The following LARGE1 variants were observed in gnomAD, a reference collection of about 807,000 sequenced individuals.
LARGE1 encodes xylosyl- and glucuronyltransferase LARGE1.
LARGE1 carries 43 observed loss-of-function variants against 87.6 expected under a neutral mutation model. The observed-to-expected ratio is 0.49, with a 90% confidence interval of 0.38 to 0.63. The LOEUF is 0.63. LARGE1 is among the 30% of genes least tolerant of loss of function. The pLI is 0.00. For synonymous variants in LARGE1, 434 were observed against 394.6 expected, an observed-to-expected ratio of 1.10 and a Z score of -1.18; for missense variants, 802 against 1,000.2, an observed-to-expected ratio of 0.80 and a Z score of 2.67.
At chr22:33,250,890 T>C (rs1926983215) in intron 11 of LARGE1, among the ~76,000 whole-genome samples, 1 of 152,226 alleles carries the variant, frequency 6.6e-6, no homozygotes, top group African/African-American at 2.4e-5. Flanking sequence ...CTGGTGAATT[T>C]GATTTGCCAA....
chr22:33,070,104 G>A, the LARGE1 span, among the ~76,000 whole-genome samples: 1 of 152,190 alleles, frequency 6.6e-6, no homozygotes, highest in South Asian at 2.1e-4. Context: ...TTACAAGCAT[G>A]AGCTGCCGCT....
intron 2 of LARGE1, among the ~76,000 whole-genome samples, chr22:33,665,228 C>T (rs1469576774): frequency 2.0e-5 from 3 of 152,190 alleles, no homozygotes; most frequent in Non-Finnish European, 4.4e-5. Context: ...TATTCTTCTC[C>T]ACTCCACAAA....
chr22:33,637,803 T>C lies in LARGE1; in HGVS notation c.409-11477A>G, dbSNP rs568211651. ...TCTCTTTAAAGGTTGAGAGTCATAATCCCCAACCAAGCTGCTCCCAGATTC... is the reference window on the plus strand; with the variant it reads ...TCTCTTTAAAGGTTGAGAGTCATAACCCCCAACCAAGCTGCTCCCAGATTC... On this transcript the variant is annotated intron_variant, in intron 3 of 14. Transcript: ENST00000397394. Among the ~76,000 whole-genome samples, 3 of 152,280 alleles carry C rather than the reference T, an allele frequency of 2.0e-5. No individual in the cohort carries two copies. In the South Asian group the frequency reaches 6.2e-4, roughly 32 times the overall value.
chr22:33,266,316 G>A (rs1202014315), intron 11 of LARGE1, among the ~76,000 whole-genome samples: 2 of 144,106 alleles, frequency 1.4e-5, no homozygotes, highest in African/African-American at 2.7e-5. Context: ...CCACCTCCTC[G>A]GTTCAAGCGA....
At chr22:33,915,763 GA>G (rs1385658629) in intron 1 of LARGE1, among the ~76,000 whole-genome samples, 17 of 152,258 alleles carry the variant, frequency 1.1e-4, no homozygotes, top group Non-Finnish European at 2.2e-4. Context: ...CCTCAGCATG[GA>G]ATCTTATTAA....
chr22:33,282,028 T>C (rs1048913135), intron 13 of LARGE1, among the ~76,000 whole-genome samples: 1 of 152,192 alleles, frequency 6.6e-6, no homozygotes, highest in African/African-American at 2.4e-5. Context: ...TCTGACATCA[T>C]TCACAAGGGT....
the LARGE1 span, among the ~76,000 whole-genome samples, chr22:33,129,024 C>T: frequency 2.0e-5 from 3 of 152,208 alleles, no homozygotes; most frequent in Non-Finnish European, 4.4e-5. Context: ...AGCAAATCAC[C>T]ATGGCACACG....
chr22:33,649,425 C>A (rs565895722), intron 3 of LARGE1, among the ~76,000 whole-genome samples: 2 of 152,256 alleles, frequency 1.3e-5, no homozygotes, highest in South Asian at 4.1e-4. Context: ...CAGGTCCTAT[C>A]TATGTTTAAC....
At chr22:33,141,080 C>T in the LARGE1 span, among the ~76,000 whole-genome samples, 1 of 151,768 alleles carries the variant, frequency 6.6e-6, no homozygotes, top group African/African-American at 2.4e-5. Context: ...TCGTCTTTGC[C>T]CACAAATATT....
chr22:33,432,107 C>T, intron 7 of LARGE1, 54 bp downstream of exon 7: 1 of 1,398,766 alleles, frequency 7.1e-7, no homozygotes, highest in Non-Finnish European at 1.0e-6. Context: ...GGAAGGAGCA[C>T]TGGGTCCTCA....
At chr22:33,142,691 CA>C in the LARGE1 span, among the ~76,000 whole-genome samples, 2 of 152,060 alleles carry the variant, frequency 1.3e-5, no homozygotes, top group Non-Finnish European at 2.9e-5. Context: ...GGTCATTTTC[CA>C]AAGTTTTTAA....
chr22:33,199,635 A>T (rs79235439), intron 11 of LARGE1, among the ~76,000 whole-genome samples: 4,583 of 152,186 alleles, frequency 0.03, 94 homozygotes, highest in Admixed American at 0.056. Context: ...TAGCATATAT[A>T]TTTTTTGACT....
At chr22:33,228,320 G>GA (rs751765981) in intron 11 of LARGE1, among the ~76,000 whole-genome samples, 8 of 152,252 alleles carry the variant, frequency 5.3e-5, no homozygotes, top group Non-Finnish European at 4.4e-5. Flanking sequence ...TCATTATAAT[G>GA]AAAACGGAAG....
chr22:33,522,687 T>C (rs1046420296), intron 6 of LARGE1, among the ~76,000 whole-genome samples: 1 of 151,948 alleles, frequency 6.6e-6, no homozygotes, highest in African/African-American at 2.4e-5. Context: ...AAAAATTAGC[T>C]GGGCGTGGTG....
At chr22:33,590,423 AT>A (rs1352448520) in intron 5 of LARGE1, among the ~76,000 whole-genome samples, 1 of 152,196 alleles carries the variant, frequency 6.6e-6, no homozygotes, top group African/African-American at 2.4e-5. Context: ...CGAGAAAAAA[AT>A]CTTACATCAT....
At chr22:33,490,907 G>C (rs1427588339) in intron 6 of LARGE1, among the ~76,000 whole-genome samples, 2 of 152,100 alleles carry the variant, frequency 1.3e-5, no homozygotes, top group Non-Finnish European at 2.9e-5. Flanking sequence ...CCAGTTTCCT[G>C]GGTACTCTTC....
chr22:33,312,638 T>C (rs2146266352), intron 11 of LARGE1, among the ~76,000 whole-genome samples: 1 of 152,244 alleles, frequency 6.6e-6, no homozygotes, highest in East Asian at 1.9e-4. Flanking sequence ...GCTGATAATC[T>C]GAATGCATTA....
chr22:33,756,855 C>A (rs1034925636), intron 2 of LARGE1, among the ~76,000 whole-genome samples: 3 of 152,204 alleles, frequency 2.0e-5, no homozygotes, highest in Admixed American at 6.5e-5. Context: ...AGATGGGAAA[C>A]AACTGACGCA....
At chr22:33,553,749 A>C (rs1441151945) in intron 6 of LARGE1, among the ~76,000 whole-genome samples, 1 of 152,130 alleles carries the variant, frequency 6.6e-6, no homozygotes, top group Non-Finnish European at 1.5e-5. Context: ...ATGCAAAGCA[A>C]CCCCAAGGAA....
Sources: allele counts gnomAD v4.1 joint callset (sites outside exome capture counted in the v4.1 genomes callset), GRCh38; gene constraint gnomAD v4.1.1; transcripts MANE v1.5; gene names NCBI Gene and HGNC (gene_info 2026-07-23, HGNC 2026-07-21).